The following SYNE3 variants were observed in gnomAD, a reference collection of about 807,000 sequenced individuals.
SYNE3 encodes the protein nesprin-3.
Under a neutral mutation model 111.2 loss-of-function variants are expected in SYNE3, and 100 were observed. The observed-to-expected ratio is 0.90, with a 90% CI of 0.77 to 1.06. The LOEUF is 1.06. Ranked by LOEUF, SYNE3 falls within the 50% of genes least tolerant of loss-of-function variation. The probability of loss-of-function intolerance (pLI) is 0.00; values close to 1 mark genes in which losing one functional copy is unlikely to be tolerated. For missense variants in SYNE3, 1,160 were observed against 1,240.3 expected (o/e 0.94, Z 0.97); for synonymous variants, 547 against 533.9 (o/e 1.02, Z -0.34).
At chr14:95,459,872 A>T (rs1015925258) in intron 4 of SYNE3, among the ~76,000 whole-genome samples, 5 of 152,076 alleles carry the variant, frequency 3.3e-5, no homozygotes, top group African/African-American at 9.7e-5. Context: ...TGGAGGCAGG[A>T]GGATTGCTTG....
intron 6 of SYNE3, among the ~76,000 whole-genome samples, chr14:95,454,532 G>T (rs1359242941): frequency 6.6e-6 from 1 of 152,262 alleles, no homozygotes; most frequent in Admixed American, 6.5e-5. Flanking sequence ...CATTGAGGCA[G>T]ACAGTCCTAA....
At chr14:95,508,356 G>A (rs1890602256) in intron 1 of SYNE3, among the ~76,000 whole-genome samples, 1 of 152,194 alleles carries the variant, frequency 6.6e-6, no homozygotes, top group Non-Finnish European at 1.5e-5. Context: ...GGACTCCATC[G>A]GCCCATTCAC....
chr14:95,484,619 G>A (rs555338536), intron 1 of SYNE3, among the ~76,000 whole-genome samples: 47 of 152,342 alleles, frequency 3.1e-4, no homozygotes, highest in African/African-American at 1.1e-3. Context: ...TCAATGCAGC[G>A]GGGTTGGTAC....
At chr14:95,508,617 G>A (rs1890611765) in intron 1 of SYNE3, among the ~76,000 whole-genome samples, 2 of 152,262 alleles carry the variant, frequency 1.3e-5, no homozygotes, top group South Asian at 4.1e-4. Context: ...TCTCAATGCA[G>A]AGACGGTGTG....
At position 95,417,167 on chromosome 14, in the gene SYNE3, C is replaced by CT. The variant is rs1903606525; in HGVS notation, c.*658dup. ...CGGGGATCTGCTCTCTGCAGCTCTT[C>CT]TTTTTCTCCCTCGATATCACTCTGT... On this transcript the variant is annotated 3_prime_UTR_variant, in exon 18 of 18. Coordinates refer to ENST00000682763, the MANE Select transcript of SYNE3 (RefSeq NM_152592.6). 1 of 157,456 alleles carries CT rather than the reference C, an allele frequency of 6.4e-6. No homozygotes were observed. Among genetic ancestry groups the CT allele is most frequent in the Admixed American group, 6.0e-5 (1 of 16,780 alleles). 9.8% of individuals were successfully genotyped at this position (157,456 alleles called of 1,614,324 possible). A position where few individuals can be genotyped will look rare whatever the true frequency, so the allele number is the denominator to read the frequency against.
At chr14:95,476,784 C>T (rs1279093159) in intron 1 of SYNE3, among the ~76,000 whole-genome samples, 3 of 152,220 alleles carry the variant, frequency 2.0e-5, no homozygotes, top group African/African-American at 4.8e-5. Flanking sequence ...CAGAGTAAGG[C>T]CAATGTTGTT....
At chr14:95,466,657 C>T (rs369698205) in intron 3 of SYNE3, among the ~76,000 whole-genome samples, 240 of 152,256 alleles carry the variant, frequency 1.6e-3, no homozygotes, top group Non-Finnish European at 2.6e-3. Context: ...TTCTCCAGGC[C>T]GCTGGCACAC....
Position 95,467,811 on chromosome 14 carries a change from TGTA to T in SYNE3, c.298_300del (p.Tyr100del). 6.2e-7 allele frequency: 1 copy of T among 1,614,120 alleles called. No homozygotes were observed. The highest frequency in any genetic ancestry group is 8.5e-7 in the Non-Finnish European group (1 of 1,180,020). On this transcript the variant is annotated inframe_deletion, in exon 3 of 18. Transcript: ENST00000682763. ...ATGCCCTACCTGTGACAGTGAGTCA[TGTA>T]GGTGACTGTCTCCTCCCATTGGGCC...
chr14:95,441,530 A>T (rs1477464094), intron 11 of SYNE3, among the ~76,000 whole-genome samples: 1 of 152,262 alleles, frequency 6.6e-6, no homozygotes, highest in Non-Finnish European at 1.5e-5. Context: ...AGAAGAATAT[A>T]AACAATCAAT....
Position 95,439,044 on chromosome 14 carries a change from G to T in SYNE3, c.2365C>A (p.His789Asn). 2 of 1,614,222 alleles carry T rather than the reference G, an allele frequency of 1.2e-6. No individual in the cohort carries two copies. Among genetic ancestry groups the T allele is most frequent in the Middle Eastern group, 3.3e-4 (2 of 6,034 alleles). ...CTAGACAGACTCACGCGTCGACGAT[G>T]CCTGGGAATAGGATCCATGGGATTG... ...LINPMDPIPRHRRRANLLQEE... is the reference protein window; with the variant it reads ...LINPMDPIPRNRRRANLLQEE... Residue 789 changes from histidine (H) to asparagine (N), a missense_variant, in exon 14 of 18, where the codon CAT becomes AAT. By Grantham distance (68) the His-to-Asn change is moderately conservative. Transcript: ENST00000682763.
intron 1 of SYNE3, among the ~76,000 whole-genome samples, chr14:95,505,847 T>C (rs1890507955): frequency 6.6e-6 from 1 of 152,094 alleles, no homozygotes; most frequent in Non-Finnish European, 1.5e-5. Flanking sequence ...AGGCTAGTGT[T>C]GGAGAGCTGT....
intron 1 of SYNE3, among the ~76,000 whole-genome samples, chr14:95,505,493 G>T (rs925676201): frequency 3.9e-5 from 6 of 152,188 alleles, no homozygotes; most frequent in African/African-American, 1.4e-4. Flanking sequence ...TTGGGCCTTA[G>T]AGGTCATCTA....
Position 95,470,824 on chromosome 14 carries a change from G to A in SYNE3, c.145-2857C>T, listed in dbSNP as rs1017601906. On this transcript the variant is annotated intron_variant, in intron 2 of 17. Transcript: ENST00000682763. The surrounding 1 kb of genome is among the most constrained non-coding windows in gnomAD (Gnocchi z 4.2). ...AATACAAAAATTAGCCGGGCATGGT[G>A]GCGCACACCTGTGATCCTAGCTACT... 6.6e-6 allele frequency among the ~76,000 whole-genome samples: 1 copy of A among 152,000 alleles called. No homozygotes were observed. The highest frequency in any genetic ancestry group is 1.5e-5 in the Non-Finnish European group (1 of 68,010).
intron 4 of SYNE3, among the ~76,000 whole-genome samples, chr14:95,464,598 G>T (rs139935529): frequency 1.3e-5 from 2 of 152,206 alleles, no homozygotes; most frequent in African/African-American, 4.8e-5. Context: ...TGGGGTTCAC[G>T]TTTAGAATAT....
chr14:95,506,959 G>A (rs1371718204), intron 1 of SYNE3, among the ~76,000 whole-genome samples: 2 of 152,246 alleles, frequency 1.3e-5, no homozygotes, highest in Non-Finnish European at 1.5e-5. Context: ...CCATTGCACA[G>A]ATGGCACCAG....
At chr14:95,475,983 G>C (rs1030302582) in intron 1 of SYNE3, 148 bp from the exon 2 acceptor site, 2 of 737,064 alleles carry the variant, frequency 2.7e-6, no homozygotes, top group Non-Finnish European at 3.8e-6. Context: ...AGGTGAGCAC[G>C]TTTGTCAGGA....
chr14:95,432,039 C>T (rs754650580), intron 17 of SYNE3, 40 bp downstream of exon 17: 20 of 1,602,860 alleles, frequency 1.2e-5, no homozygotes, highest in Non-Finnish European at 1.7e-5. Context: ...TCCAGGCACC[C>T]TGCCTGCTAG....
intron 2 of SYNE3, among the ~76,000 whole-genome samples, chr14:95,469,081 CTAT>C (rs141422674): frequency 6.6e-6 from 1 of 152,134 alleles, no homozygotes; most frequent in Non-Finnish European, 1.5e-5. Context: ...TACCTGCTCA[CTAT>C]TATTATTATT....
At chr14:95,442,317 T>C (rs934593747) in intron 11 of SYNE3, among the ~76,000 whole-genome samples, 2 of 152,194 alleles carry the variant, frequency 1.3e-5, no homozygotes, top group Admixed American at 1.3e-4. Flanking sequence ...TATTGGACAA[T>C]ATTGTATTAT....
Sources: gnomAD v4.1 joint callset for allele counts (sites outside exome capture counted in the v4.1 genomes callset) on GRCh38, gnomAD v4.1.1 for gene constraint, Gnocchi (gnomAD v3.1) non-coding constraint, MANE v1.5 for transcripts, NCBI Gene and HGNC (gene_info 2026-07-23, HGNC 2026-07-21) for gene names.